ATG10: variants seen among roughly 807,000 people sequenced by gnomAD.
The protein encoded by ATG10 is autophagy related 10, also known as ubiquitin-like-conjugating enzyme ATG10.
ATG10 carries 30 observed loss-of-function variants against 32.1 expected under a neutral mutation model. The observed-to-expected ratio is 0.94, with a 90% CI of 0.70 to 1.27. The LOEUF (loss-of-function observed/expected upper bound fraction) is 1.27. Ranked by LOEUF, ATG10 falls within the 50% of genes most tolerant of loss-of-function variation. The pLI, the probability that ATG10 is intolerant of heterozygous loss-of-function variation, is 0.00. For synonymous variants in ATG10, 87 were observed against 91.5 expected (o/e 0.95, Z 0.28); for missense variants, 233 against 262.3 (o/e 0.89, Z 0.77).
intron 2 of ATG10, among the ~76,000 whole-genome samples, chr5:81,995,453 A>G (rs1283939039): frequency 6.6e-6 from 1 of 152,110 alleles, no homozygotes; most frequent in East Asian, 1.9e-4. Context: ...TGAGTTTTTA[A>G]TGTTCTTTAC....
intron 3 of ATG10, among the ~76,000 whole-genome samples, chr5:82,130,096 G>A (rs1766460682): frequency 6.6e-6 from 1 of 152,174 alleles, no homozygotes; most frequent in Admixed American, 6.5e-5. Flanking sequence ...GCCAAGCTGC[G>A]GCGGGCTCCG....
At chr5:82,050,998 A>AT (rs1239186058) in intron 2 of ATG10, among the ~76,000 whole-genome samples, 18 of 152,262 alleles carry the variant, frequency 1.2e-4, no homozygotes, top group African/African-American at 4.1e-4. Context: ...GTGACAGAGT[A>AT]AGACCCTATC....
chr5:82,098,637 A>G (rs1159205988), intron 3 of ATG10, among the ~76,000 whole-genome samples: 1 of 152,154 alleles, frequency 6.6e-6, no homozygotes, highest in Non-Finnish European at 1.5e-5. Context: ...CACTGCAAAC[A>G]AAGGGGTTAT....
chr5:82,204,862 T>A (rs946146039), intron 5 of ATG10, among the ~76,000 whole-genome samples: 1 of 152,162 alleles, frequency 6.6e-6, no homozygotes, highest in Non-Finnish European at 1.5e-5. Context: ...TCATGAGACA[T>A]GTCAGGAATA....
chr5:82,009,373 T>A (rs1484989491), intron 2 of ATG10, among the ~76,000 whole-genome samples: 1 of 151,892 alleles, frequency 6.6e-6, no homozygotes, highest in South Asian at 2.1e-4. Flanking sequence ...AAGAGTTTTC[T>A]TATATATATA....
Position 82,047,706 on chromosome 5 carries a change from A to G in ATG10, c.109-10789A>G, listed in dbSNP as rs565421566. Among the ~76,000 whole-genome samples the G allele has an allele frequency of 3.5e-3, 529 of 152,256 alleles. 4 individuals are homozygous for G. Among genetic ancestry groups the G allele is most frequent in the African/African-American group, 0.012 (504 of 41,546 alleles). On this transcript the variant is annotated intron_variant, in intron 2 of 7. Coordinates refer to ENST00000282185, the MANE Select transcript of ATG10 (RefSeq NM_031482.5). ...ACCTGCATTACAGGGATGGGGAAGCAGTGTTATACTACTCATAGGAAGTCA... is the reference window on the plus strand; with the variant it reads ...ACCTGCATTACAGGGATGGGGAAGCGGTGTTATACTACTCATAGGAAGTCA...
intron 3 of ATG10, among the ~76,000 whole-genome samples, chr5:82,062,401 G>T (rs1763813367): frequency 6.6e-6 from 1 of 152,080 alleles, no homozygotes; most frequent in African/African-American, 2.4e-5. Context: ...AGAAGAAAGA[G>T]TGCTAGACTT....
At chr5:81,981,669 T>C (rs1390777601) in intron 1 of ATG10, among the ~76,000 whole-genome samples, 1 of 152,244 alleles carries the variant, frequency 6.6e-6, no homozygotes. Context: ...TTGTAAATGA[T>C]CTTAAGTTCT....
intron 2 of ATG10, among the ~76,000 whole-genome samples, chr5:81,997,776 A>G (rs1761712117): frequency 6.6e-6 from 1 of 152,222 alleles, no homozygotes. Flanking sequence ...GACCAAGCTG[A>G]GGAAAGAATC....
intron 3 of ATG10, among the ~76,000 whole-genome samples, chr5:82,152,351 G>A (rs1261365896): frequency 6.6e-6 from 1 of 152,250 alleles, no homozygotes. Context: ...ATCCACGACT[G>A]TGAGCAGGAC....
intron 5 of ATG10, among the ~76,000 whole-genome samples, chr5:82,182,735 G>T (rs1744281788): frequency 6.6e-6 from 1 of 152,124 alleles, no homozygotes. Flanking sequence ...GAGGGAAATG[G>T]CTGTGGCTAT....
At chr5:82,227,437 C>T (rs1415846091) in intron 5 of ATG10, among the ~76,000 whole-genome samples, 5 of 151,978 alleles carry the variant, frequency 3.3e-5, no homozygotes, top group African/African-American at 7.2e-5. Flanking sequence ...TGCAGTGGTG[C>T]GATCTTGGCT....
chr5:82,175,426 G>A lies in ATG10; in HGVS notation c.356-3064G>A, dbSNP rs985056650. Among the ~76,000 whole-genome samples, 13 of 152,260 alleles carry A rather than the reference G, an allele frequency of 8.5e-5. No individual in the cohort carries two copies. In the East Asian group the frequency reaches 1.4e-3, roughly 16 times the overall value. ...CTCCCAAAGTGCTGAGATTACAGGC[G>A]TGAGCCACTGTGCCCAGCTGTTGTT... On this transcript the variant is annotated intron_variant, in intron 4 of 7. Transcript: ENST00000282185.
intron 3 of ATG10, among the ~76,000 whole-genome samples, chr5:82,107,669 A>G (rs1209193131): frequency 6.6e-6 from 1 of 152,080 alleles, no homozygotes; most frequent in Non-Finnish European, 1.5e-5. Context: ...AATTCTATAA[A>G]CATTCAGTAA....
chr5:81,998,008 G>A (rs1478259349), intron 2 of ATG10, among the ~76,000 whole-genome samples: 1 of 152,182 alleles, frequency 6.6e-6, no homozygotes, highest in African/African-American at 2.4e-5. Context: ...TTGCTGGAGA[G>A]ACCAACACTG....
Position 82,102,839 on chromosome 5 carries a change from C to G in ATG10, c.216+44237C>G, listed in dbSNP as rs564822720. On this transcript the variant is annotated intron_variant, in intron 3 of 7. Transcript: ENST00000282185. The stretch of plus-strand genomic sequence containing the variant: ...TGTTGGATCCTAGCTGGTTAATCCT[C>G]CTCTTCATTGGCATCCAAGCCTCAT... Among the ~76,000 whole-genome samples the G allele has an allele frequency of 2.0e-5, 3 of 147,164 alleles. No individual in the cohort carries two copies. The East Asian group carries it at 5.8e-4, about 29-fold the overall frequency.
At chr5:82,071,496 A>C (rs1736570875) in intron 3 of ATG10, among the ~76,000 whole-genome samples, 1 of 152,156 alleles carries the variant, frequency 6.6e-6, no homozygotes, top group Non-Finnish European at 1.5e-5. Context: ...TGGGATGCCA[A>C]CTTCGAAAAA....
At chr5:82,241,764 T>C (rs1289136387) in intron 5 of ATG10, among the ~76,000 whole-genome samples, 1 of 151,748 alleles carries the variant, frequency 6.6e-6, no homozygotes, top group African/African-American at 2.4e-5. Flanking sequence ...CCCCCATCAT[T>C]CTCTATATAT....
chr5:82,139,735 G>T (rs1317578419), intron 3 of ATG10, among the ~76,000 whole-genome samples: 4 of 131,766 alleles, frequency 3.0e-5, no homozygotes, highest in Admixed American at 7.2e-5. Context: ...CCCCTGCCCG[G>T]CCAGCCGCCC....
Sources: gnomAD v4.1 joint callset for allele counts (sites outside exome capture counted in the v4.1 genomes callset) on GRCh38, gnomAD v4.1.1 for gene constraint, MANE v1.5 for transcripts, NCBI Gene and HGNC (gene_info 2026-07-23, HGNC 2026-07-21) for gene names.